The following TVP23C variants were observed in gnomAD, a reference collection of about 807,000 sequenced individuals.
The protein encoded by TVP23C is Golgi apparatus membrane protein TVP23 homolog C.
Under a neutral mutation model 28.7 loss-of-function variants are expected in TVP23C, and 19 were observed. That is an observed-to-expected ratio of 0.66 (90% CI 0.46 to 0.97). The LOEUF is 0.97. TVP23C is among the 50% of genes least tolerant of loss of function. The pLI, the probability that TVP23C is intolerant of heterozygous loss-of-function variation, is 0.00. For synonymous variants in TVP23C, 68 were observed against 81.7 expected, an observed-to-expected ratio of 0.83 and a Z score of 0.90; for missense variants, 186 against 241.3, an observed-to-expected ratio of 0.77 and a Z score of 1.52.
At chr17:15,561,982 C>T (rs576039532) in intron 1 of TVP23C, among the ~76,000 whole-genome samples, 4 of 152,268 alleles carry the variant, frequency 2.6e-5, no homozygotes, top group South Asian at 2.1e-4. Context: ...CTCCCAACAG[C>T]GCCATGCCAG....
exon 6 of TVP23C, chr17:15,502,742 TC>T (rs1309988404): frequency 7.0e-6 from 7 of 1,002,284 alleles, no homozygotes; most frequent in Non-Finnish European, 8.0e-6. Flanking sequence ...TTCTCTCTCC[TC>T]TCTCCCGTCT....
chr17:15,542,335 A>T lies in TVP23C; in HGVS notation c.463-1774T>A, dbSNP rs186819019. On this transcript the variant is annotated intron_variant, in intron 5 of 5. Coordinates refer to ENST00000518321, the MANE Select transcript of TVP23C (RefSeq NM_001135036.2). ...CCGGGTGGGAAGAAGGCAGGAGACG[A>T]AGCGCAGAAGGATCAATAATCATGA... is the stretch of plus-strand genomic sequence containing the variant. 3.5e-4 allele frequency among the ~76,000 whole-genome samples: 54 copies of T among 152,326 alleles called. No homozygotes were observed. The East Asian group carries it at 9.6e-3, about 27-fold the overall frequency.
intron 3 of TVP23C, among the ~76,000 whole-genome samples, chr17:15,551,727 G>A (rs1266207788): frequency 6.6e-6 from 1 of 151,738 alleles, no homozygotes; most frequent in Non-Finnish European, 1.5e-5. Context: ...TATTTTATGT[G>A]TGGCCCAAGA....
Position 15,511,703 on chromosome 17 carries a change from C to T in TVP23C, c.463-8471G>A, listed in dbSNP as rs923841989. On this transcript the variant is annotated intron_variant, in intron 5 of 5. Transcript: ENST00000225576. Reference sequence around the variant, plus strand: ...CCCCAAGTTTATGGAATGGGCTTCCCTTGTCCCCACTCAATGGCTCAAGAA... The same window carrying T: ...CCCCAAGTTTATGGAATGGGCTTCCTTTGTCCCCACTCAATGGCTCAAGAA... Among the ~76,000 whole-genome samples the T allele has an allele frequency of 2.6e-5, 4 of 152,142 alleles. No homozygotes were observed. In the East Asian group the frequency reaches 7.7e-4, roughly 29 times the overall value.
At chr17:15,542,091 C>A (rs1983435183) in intron 5 of TVP23C, among the ~76,000 whole-genome samples, 2 of 152,118 alleles carry the variant, frequency 1.3e-5, no homozygotes, top group Admixed American at 1.3e-4. Flanking sequence ...GGGCTGGTGG[C>A]CAAAGAAAGA....
At chr17:15,504,707 A>G (rs975886397) in intron 5 of TVP23C, among the ~76,000 whole-genome samples, 1 of 151,966 alleles carries the variant, frequency 6.6e-6, no homozygotes, top group Non-Finnish European at 1.5e-5. Context: ...CACATTTTTA[A>G]AATTTTTTTG....
intron 3 of TVP23C, 95 bp downstream of exon 3, chr17:15,553,590 T>C (rs1983991580): frequency 6.8e-7 from 1 of 1,472,742 alleles, no homozygotes; most frequent in Non-Finnish European, 9.0e-7. Flanking sequence ...AGGTTTGAAG[T>C]AACAAAAGAT....
At chr17:15,513,246 G>T (rs973828185) in intron 5 of TVP23C, among the ~76,000 whole-genome samples, 5 of 152,288 alleles carry the variant, frequency 3.3e-5, no homozygotes, top group African/African-American at 9.6e-5. Context: ...TCACATTGTG[G>T]AGTTTAAAAA....
chr17:15,518,200 A>G (rs760978989), intron 5 of TVP23C, among the ~76,000 whole-genome samples: 4 of 151,170 alleles, frequency 2.6e-5, no homozygotes, highest in Non-Finnish European at 5.9e-5. Flanking sequence ...GAATGTTCAC[A>G]GCCTGTCACA....
At chr17:15,511,767 G>A (rs1982016227) in intron 5 of TVP23C, among the ~76,000 whole-genome samples, 1 of 151,994 alleles carries the variant, frequency 6.6e-6, no homozygotes, top group Non-Finnish European at 1.5e-5. Context: ...ATTGTGTTTC[G>A]TGACTCTGGA....
At chr17:15,506,140 C>T (rs1039581573) in intron 5 of TVP23C, among the ~76,000 whole-genome samples, 25 of 152,256 alleles carry the variant, frequency 1.6e-4, no homozygotes, top group Non-Finnish European at 3.4e-4. Flanking sequence ...TAGGTGAAGC[C>T]AGCTGGGCTC....
At chr17:15,522,585 T>C (rs544331366) in intron 5 of TVP23C, among the ~76,000 whole-genome samples, 1 of 152,246 alleles carries the variant, frequency 6.6e-6, no homozygotes, top group African/African-American at 2.4e-5. Context: ...CCAAGATAAA[T>C]TCTAGATAAT....
At chr17:15,502,829 T>TCC in exon 6 of TVP23C, 1 of 1,481,806 alleles carries the variant, frequency 6.7e-7, no homozygotes, top group Non-Finnish European at 9.1e-7. Context: ...TCTCTCTCTC[T>TCC]CTCCTGCGAG....
At position 15,540,310 on chromosome 17, in the gene TVP23C, T is replaced by C; in HGVS notation, c.*102A>G. The C allele has an allele frequency of 1.5e-6, 2 of 1,370,768 alleles. No individual in the cohort carries two copies. Among genetic ancestry groups the C allele is most frequent in the Non-Finnish European group, 1.9e-6 (2 of 1,034,208 alleles). The allele number at this position is 1,370,768 out of a possible 1,614,324, so 84.9% of individuals were successfully genotyped here. On this transcript the variant is annotated 3_prime_UTR_variant, in exon 6 of 6. Coordinates refer to ENST00000518321, the MANE Select transcript of TVP23C (RefSeq NM_001135036.2). ...CCCCAAAGAGCAATTACAACATCTT[T>C]ATCATTATATTTATACAACTATATG...
intron 1 of TVP23C, among the ~76,000 whole-genome samples, chr17:15,556,389 T>A: frequency 7.1e-6 from 1 of 140,266 alleles, no homozygotes; most frequent in Admixed American, 7.5e-5. Context: ...TGAGATGGAG[T>A]CTTGCTCTGT....
intron 5 of TVP23C, among the ~76,000 whole-genome samples, chr17:15,515,760 T>C (rs1000026878): frequency 1.3e-5 from 2 of 152,120 alleles, no homozygotes; most frequent in African/African-American, 2.4e-5. Context: ...TCTGGGTGGA[T>C]TGCAGACCCG....
intron 3 of TVP23C, among the ~76,000 whole-genome samples, chr17:15,550,152 A>T (rs977839802): frequency 6.6e-6 from 1 of 152,196 alleles, no homozygotes; most frequent in African/African-American, 2.4e-5. Flanking sequence ...TGTCTAAAAT[A>T]AAAGGCTTTA....
intron 5 of TVP23C, among the ~76,000 whole-genome samples, chr17:15,505,563 G>A (rs1025265050): frequency 2.6e-5 from 4 of 152,184 alleles, no homozygotes; most frequent in South Asian, 2.1e-4. Context: ...GCTTGCTCTC[G>A]GAACCTCCTC....
intron 2 of TVP23C, among the ~76,000 whole-genome samples, chr17:15,554,359 T>C (rs1369134577): frequency 6.7e-5 from 10 of 148,252 alleles, no homozygotes; most frequent in Admixed American, 6.1e-4. Context: ...TGCCTCAGCC[T>C]CCCAAGTAGC....
Sources: gnomAD v4.1 joint callset for allele counts (sites outside exome capture counted in the v4.1 genomes callset) on GRCh38, gnomAD v4.1.1 for gene constraint, MANE v1.5 for transcripts, NCBI Gene and HGNC (gene_info 2026-07-23, HGNC 2026-07-21) for gene names.